The following MYRIP variants were observed in gnomAD, a reference collection of about 807,000 sequenced individuals.
MYRIP encodes rab effector MyRIP.
In MYRIP, 49 loss-of-function variants were observed where a neutral mutation model predicts 98.0. That is an observed-to-expected ratio of 0.50 (90% CI 0.40 to 0.63). The LOEUF is 0.63. Ranked by LOEUF, MYRIP falls within the 30% of genes least tolerant of loss-of-function variation. The pLI, the probability that MYRIP is intolerant of heterozygous loss-of-function variation, is 0.00. For missense variants in MYRIP, 1,004 were observed against 1,058.2 expected, an observed-to-expected ratio of 0.95 and a Z score of 0.71; for synonymous variants, 404 against 409.5, an observed-to-expected ratio of 0.99 and a Z score of 0.16.
chr3:39,853,074 G>A (rs1427636806), intron 1 of MYRIP, among the ~76,000 whole-genome samples: 7 of 152,116 alleles, frequency 4.6e-5, no homozygotes, highest in South Asian at 4.1e-4. Flanking sequence ...GAGTCACTGC[G>A]CCTGGCCTAT....
chr3:40,076,965 C>T (rs1420752693), intron 3 of MYRIP, among the ~76,000 whole-genome samples: 3 of 152,114 alleles, frequency 2.0e-5, no homozygotes, highest in Non-Finnish European at 4.4e-5. Flanking sequence ...TGACAGCTTA[C>T]CATGTACTAT....
chr3:39,885,121 A>G (rs1943256139), intron 1 of MYRIP, among the ~76,000 whole-genome samples: 1 of 151,932 alleles, frequency 6.6e-6, no homozygotes, highest in Admixed American at 6.6e-5. Flanking sequence ...TTCAGTCTGC[A>G]CTTATCTTTT....
intron 5 of MYRIP, among the ~76,000 whole-genome samples, chr3:40,166,561 G>T (rs80087312): frequency 3.3e-5 from 5 of 152,100 alleles, no homozygotes; most frequent in Non-Finnish European, 7.3e-5. Context: ...CAAGCCTTGG[G>T]GTCCGTGGGA....
At chr3:39,928,455 G>A (rs1377747311) in intron 2 of MYRIP, among the ~76,000 whole-genome samples, 1 of 151,526 alleles carries the variant, frequency 6.6e-6, no homozygotes, top group Non-Finnish European at 1.5e-5. Context: ...ACAAAATGTA[G>A]CAATATATAA....
intron 11 of MYRIP, among the ~76,000 whole-genome samples, chr3:40,219,649 A>G (rs1343991928): frequency 2.6e-5 from 4 of 152,066 alleles, no homozygotes; most frequent in Non-Finnish European, 4.4e-5. Context: ...CCATGTCCCT[A>G]CAAAGGAAAT....
intron 8 of MYRIP, among the ~76,000 whole-genome samples, chr3:40,171,976 G>A (rs1457954932): frequency 1.3e-5 from 2 of 152,150 alleles, no homozygotes; most frequent in Non-Finnish European, 2.9e-5. Flanking sequence ...GAGAGCGTGT[G>A]CAGGGGAACT....
intron 3 of MYRIP, among the ~76,000 whole-genome samples, chr3:40,074,759 CT>C (rs1948307027): frequency 6.6e-6 from 1 of 152,102 alleles, no homozygotes; most frequent in South Asian, 2.1e-4. Flanking sequence ...ACAAAGAACT[CT>C]TAAAACTCAA....
intron 12 of MYRIP, among the ~76,000 whole-genome samples, chr3:40,237,367 T>A (rs139373882): frequency 8.3e-4 from 126 of 152,304 alleles, no homozygotes; most frequent in Middle Eastern, 3.4e-3. Context: ...CACAGGATAC[T>A]TGGCAGCACC....
intron 11 of MYRIP, chr3:40,233,084 G>C (rs1315937783): frequency 6.6e-6 from 1 of 152,206 alleles, no homozygotes. Context: ...GAAACAAGCG[G>C]GGGTGGAAGA....
At chr3:39,984,803 C>T (rs1945991192) in intron 2 of MYRIP, among the ~76,000 whole-genome samples, 2 of 152,088 alleles carry the variant, frequency 1.3e-5, no homozygotes, top group South Asian at 4.2e-4. Context: ...AATCGCCACA[C>T]TGACTTCCAC....
At chr3:40,027,912 A>G (rs978721374) in intron 2 of MYRIP, among the ~76,000 whole-genome samples, 4 of 152,076 alleles carry the variant, frequency 2.6e-5, no homozygotes, top group African/African-American at 4.8e-5. Context: ...TTGGAAGTCA[A>G]TTTCACAAAC....
chr3:39,928,136 A>T (rs2125697110), intron 2 of MYRIP, among the ~76,000 whole-genome samples: 1 of 152,120 alleles, frequency 6.6e-6, no homozygotes, highest in Non-Finnish European at 1.5e-5. Context: ...ACTCAATATA[A>T]AATAGATTAT....
intron 1 of MYRIP, among the ~76,000 whole-genome samples, chr3:39,871,372 CT>C (rs1942783365): frequency 1.3e-5 from 2 of 152,262 alleles, no homozygotes; most frequent in Non-Finnish European, 1.5e-5. Context: ...GACTTTAGGG[CT>C]ATCCTTTAAA....
intron 2 of MYRIP, among the ~76,000 whole-genome samples, chr3:40,026,188 C>T (rs555243429): frequency 1.3e-5 from 2 of 152,190 alleles, no homozygotes; most frequent in South Asian, 4.2e-4. Context: ...TATTATATTC[C>T]TTGCTAGGAA....
At chr3:40,019,701 G>A (rs781601140) in intron 2 of MYRIP, among the ~76,000 whole-genome samples, 2 of 151,802 alleles carry the variant, frequency 1.3e-5, no homozygotes, top group Non-Finnish European at 2.9e-5. Flanking sequence ...CAGGAATAAG[G>A]GAAACAATTC....
chr3:39,956,160 G>T (rs923951318), intron 2 of MYRIP, among the ~76,000 whole-genome samples: 3 of 152,158 alleles, frequency 2.0e-5, no homozygotes, highest in Non-Finnish European at 2.9e-5. Context: ...ATTGAACTCA[G>T]CTCTGCACCA....
intron 3 of MYRIP, among the ~76,000 whole-genome samples, chr3:40,105,110 C>T (rs929856901): frequency 6.6e-6 from 1 of 152,144 alleles, no homozygotes; most frequent in Non-Finnish European, 1.5e-5. Flanking sequence ...TATTACTTCT[C>T]ATCATGGAAC....
At chr3:39,936,345 G>A (rs187101956) in intron 2 of MYRIP, among the ~76,000 whole-genome samples, 1 of 152,222 alleles carries the variant, frequency 6.6e-6, no homozygotes, top group Non-Finnish European at 1.5e-5. Flanking sequence ...CCCTTCAACA[G>A]AGGAGTCAGA....
chr3:40,001,814 C>T (rs748090370), intron 2 of MYRIP, among the ~76,000 whole-genome samples: 6 of 152,074 alleles, frequency 3.9e-5, no homozygotes, highest in Non-Finnish European at 5.9e-5. Flanking sequence ...CAGCTTGAAC[C>T]GGGATAGTGA....
Sources: allele counts gnomAD v4.1 joint callset (sites outside exome capture counted in the v4.1 genomes callset), GRCh38; gene constraint gnomAD v4.1.1; transcripts MANE v1.5; gene names NCBI Gene and HGNC (gene_info 2026-07-23, HGNC 2026-07-21).